The following AGFG2 variants were observed in gnomAD, a reference collection of about 807,000 sequenced individuals.
AGFG2 encodes the protein arf-GAP domain and FG repeat-containing protein 2.
In AGFG2, 31 loss-of-function variants were observed where a neutral mutation model predicts 48.0. The observed-to-expected ratio is 0.65, with a 90% CI of 0.49 to 0.87. The LOEUF is 0.87. Among genes scored for constraint, AGFG2 ranks in the 40% least tolerant of loss-of-function variants. The pLI, the probability that AGFG2 is intolerant of heterozygous loss-of-function variation, is 0.00. For synonymous variants in AGFG2, 229 were observed against 260.8 expected (o/e 0.88, Z 1.18); for missense variants, 599 against 632.6 (o/e 0.95, Z 0.57).
chr7:100,560,122 G>A (rs968543329), intron 6 of AGFG2, among the ~76,000 whole-genome samples: 1 of 152,064 alleles, frequency 6.6e-6, no homozygotes, highest in Admixed American at 6.5e-5. Flanking sequence ...CTTGGAGGCA[G>A]GCAGGCAGGG....
At chr7:100,563,684 G>A in intron 9 of AGFG2, 150 bp from the exon 10 acceptor site, 1 of 1,186,154 alleles carries the variant, frequency 8.4e-7, no homozygotes, top group Non-Finnish European at 1.2e-6. Context: ...GGTGGTGTGA[G>A]AAGCAGAAGA....
intron 2 of AGFG2, among the ~76,000 whole-genome samples, chr7:100,550,162 C>T (rs535990184): frequency 6.6e-6 from 1 of 152,262 alleles, no homozygotes; most frequent in East Asian, 1.9e-4. Context: ...CAAAAATTAG[C>T]TGGGCGTGGT....
rs1275542239 is a variant in AGFG2, at chr7:100,562,246, C to T, written c.878-13C>T. 6.2e-7 allele frequency: 1 copy of T among 1,612,324 alleles called. No homozygotes were observed. The highest frequency in any genetic ancestry group is 8.5e-7 in the Non-Finnish European group (1 of 1,178,962). ...CCTCAGCTCTCCCTGTTGTATTTTC[C>T]ACAACTGCCCAGGGAGCAGCCAGGG... On this transcript the variant is annotated splice_polypyrimidine_tract_variant and intron_variant, in intron 6 of 11. Coordinates refer to ENST00000300176, the MANE Select transcript of AGFG2 (RefSeq NM_006076.5). This position sits in a 1 kb window ranked among gnomAD's most constrained non-coding sequence, Gnocchi z 5.4.
chr7:100,555,710 G>A lies in AGFG2; in HGVS notation c.852G>A (p.Ser284=), dbSNP rs34685790. The change falls in exon 6 of 12, where the codon TCG becomes TCA. Residue 284 remains serine (S), a synonymous_variant. Transcript: ENST00000300176. ...GCCTCCCTCCAGCTGGTCAAGCCTC[G>A]TTCCAGGCCCAGCCAACTCCTGCAG... ...FGSLPPAGQA[S]FQAQPTPAGS... 11 of 1,613,948 alleles carry A rather than the reference G, an allele frequency of 6.8e-6. No individual in the cohort carries two copies. The East Asian group carries it at 8.9e-5, about 13-fold the overall frequency.
At chr7:100,557,682 G>A (rs1277673447) in intron 6 of AGFG2, among the ~76,000 whole-genome samples, 1 of 152,092 alleles carries the variant, frequency 6.6e-6, no homozygotes, top group Non-Finnish European at 1.5e-5. Flanking sequence ...TGATCCGCCT[G>A]CCTTGGCCTC....
chr7:100,550,311 A>T, intron 2 of AGFG2, 85 bp from the exon 3 acceptor site: 1 of 787,026 alleles, frequency 1.3e-6, no homozygotes, highest in Non-Finnish European at 1.9e-6. Flanking sequence ...GTCTCAAAAA[A>T]AAAAAAAAAA....
intron 1 of AGFG2, among the ~76,000 whole-genome samples, chr7:100,547,282 T>C (rs1350799602): frequency 6.6e-6 from 1 of 151,998 alleles, no homozygotes; most frequent in Non-Finnish European, 1.5e-5. Flanking sequence ...TTCCCCACCT[T>C]CTTTGTGAAT....
chr7:100,539,619 G>A lies in AGFG2; in HGVS notation c.221+52G>A, dbSNP rs1800383896. The A allele has an allele frequency of 6.6e-6, 8 of 1,216,388 alleles. No homozygotes were observed. The South Asian group carries it at 1.9e-4, about 28-fold the overall frequency. 75.3% of individuals were successfully genotyped at this position (1,216,388 alleles called of 1,614,324 possible). On this transcript the variant is annotated intron_variant, in intron 1 of 11. Coordinates refer to ENST00000300176, the MANE Select transcript of AGFG2 (RefSeq NM_006076.5). The stretch of plus-strand genomic sequence containing the variant: ...GGTCGGCGTGGGGGGACCCGGGGGC[G>A]GGGTGGGGAGGCCGGGGCTCCGGGG...
At chr7:100,549,718 T>C (rs1041528319) in intron 2 of AGFG2, among the ~76,000 whole-genome samples, 61 of 152,192 alleles carry the variant, frequency 4.0e-4, no homozygotes, top group African/African-American at 1.5e-3. Flanking sequence ...AGACAAGCTC[T>C]TGCTTGCTCT....
At chr7:100,554,436 G>A (rs140340569) in intron 5 of AGFG2, among the ~76,000 whole-genome samples, 178 bp downstream of exon 5, 49 of 152,294 alleles carry the variant, frequency 3.2e-4, no homozygotes, top group Admixed American at 2.7e-3. Flanking sequence ...GATTATGTTT[G>A]GGGGTTTGAT....
chr7:100,542,303 C>T (rs1015994214), intron 1 of AGFG2, among the ~76,000 whole-genome samples: 4 of 152,210 alleles, frequency 2.6e-5, no homozygotes, highest in African/African-American at 7.2e-5. Flanking sequence ...GCGTGAGCCA[C>T]GGCACCCAGC....
intron 6 of AGFG2, chr7:100,556,728 G>C (rs1800766347): frequency 1.0e-6 from 1 of 977,712 alleles, no homozygotes; most frequent in Admixed American, 2.7e-5. Flanking sequence ...GACAGATAAG[G>C]CAGTTAAGCA....
At chr7:100,550,603 C>A in intron 3 of AGFG2, 92 bp downstream of exon 3, 3 of 952,420 alleles carry the variant, frequency 3.1e-6, no homozygotes, top group Non-Finnish European at 4.9e-6. Flanking sequence ...GGCCTTCTCA[C>A]AAAAGACTAG....
chr7:100,550,439 C>T lies in AGFG2; in HGVS notation c.359C>T (p.Ser120Phe), dbSNP rs747041982. Residue 120 changes from serine (S) to phenylalanine (F), a missense_variant, in exon 3 of 12, where the codon TCT (serine) becomes TTT (phenylalanine). By Grantham distance (155) the Ser-to-Phe change is radical. Coordinates refer to ENST00000300176, the MANE Select transcript of AGFG2 (RefSeq NM_006076.5). The part of the protein sequence containing the change: ...IWLGLFDART[S>F]LVPDSRDPQK... ...TTGGGTCTGTTTGATGCTCGGACAT[C>T]TTTAGTACCAGATTCCAGGGATCCT... The T allele has an allele frequency of 6.2e-7, 1 of 1,613,140 alleles. No individual in the cohort carries two copies. The highest frequency in any genetic ancestry group is 1.1e-5 in the South Asian group (1 of 91,072).
chr7:100,565,062 TTGCC>T lies in AGFG2; in HGVS notation c.*74_*77del. The T allele has an allele frequency of 6.6e-7, 1 of 1,517,564 alleles. No homozygotes were observed. Among genetic ancestry groups the T allele is most frequent in the East Asian group, 2.3e-5 (1 of 44,400 alleles). 94.0% of individuals were successfully genotyped at this position (1,517,564 alleles called of 1,614,324 possible). Reference sequence around the variant, plus strand: ...TGCTCCCTAGAGCTCTGGTGACCACTTGCCTGTGGGCATTTCTATGGGCCTTGGG... The same window carrying T: ...TGCTCCCTAGAGCTCTGGTGACCACTTGTGGGCATTTCTATGGGCCTTGGG... On this transcript the variant is annotated 3_prime_UTR_variant, in exon 12 of 12. Transcript: ENST00000300176.
chr7:100,540,258 C>T (rs1298336841), intron 1 of AGFG2, among the ~76,000 whole-genome samples: 1 of 152,086 alleles, frequency 6.6e-6, no homozygotes, highest in Non-Finnish European at 1.5e-5. Context: ...AAAACTCTTA[C>T]GAAATCTAAG....
rs978726765 is a variant in AGFG2, at chr7:100,562,761, G to T, written c.1087+79G>T. 2 of 1,592,172 alleles carry T rather than the reference G, an allele frequency of 1.3e-6. No individual in the cohort carries two copies. Among genetic ancestry groups the T allele is most frequent in the South Asian group, 1.1e-5 (1 of 88,716 alleles). ...TAAGGACTCTGGACAGGGTGGGAAG[G>T]GGAGAGATTGAGAGGAATGCTCAGG... On this transcript the variant is annotated intron_variant, in intron 8 of 11. Coordinates refer to ENST00000300176, the MANE Select transcript of AGFG2 (RefSeq NM_006076.5). The surrounding 1 kb of genome is among the most constrained non-coding windows in gnomAD (Gnocchi z 5.4).
chr7:100,562,533 C>T lies in AGFG2; in HGVS notation c.999-61C>T, dbSNP rs945930882. The T allele has an allele frequency of 3.0e-5, 48 of 1,611,554 alleles. No individual in the cohort carries two copies. In the African/African-American group the frequency reaches 5.9e-4, roughly 20 times the overall value. On this transcript the variant is annotated intron_variant, in intron 7 of 11. Coordinates refer to ENST00000300176, the MANE Select transcript of AGFG2 (RefSeq NM_006076.5). This position sits in a 1 kb window ranked among gnomAD's most constrained non-coding sequence, Gnocchi z 5.4. ...AGAGCAGGGTTGGCATCTCCTGGCC[C>T]CTTGCTCAGGTTTGATTGGCCCTGG...
chr7:100,554,828 C>T (rs889527580), intron 5 of AGFG2, among the ~76,000 whole-genome samples: 2 of 149,904 alleles, frequency 1.3e-5, no homozygotes, highest in Admixed American at 1.4e-4. Flanking sequence ...GTCCCAGCTA[C>T]TTGGGAGGCT....
Sources: allele counts gnomAD v4.1 joint callset (sites outside exome capture counted in the v4.1 genomes callset), GRCh38; gene constraint gnomAD v4.1.1; non-coding constraint Gnocchi (gnomAD v3.1); transcripts MANE v1.5; gene names NCBI Gene and HGNC (gene_info 2026-07-23, HGNC 2026-07-21).